The following PCDHGA5 variants were observed in gnomAD, a reference collection of about 807,000 sequenced individuals.
The protein encoded by PCDHGA5 is protocadherin gamma subfamily A, 5.
PCDHGA5 carries 36 observed loss-of-function variants against 56.7 expected under a neutral mutation model. The ratio of observed to expected loss-of-function variants is 0.64; its 90% CI spans 0.49 to 0.84. PCDHGA5 has a LOEUF of 0.84. Ranked by LOEUF, PCDHGA5 falls within the 40% of genes least tolerant of loss-of-function variation. PCDHGA5 has a pLI of 0.00. For missense variants in PCDHGA5, 1,305 were observed against 1,201.5 expected (o/e 1.09, Z -1.27); for synonymous variants, 563 against 520.2 (o/e 1.08, Z -1.12).
Position 141,477,447 on chromosome 5 carries a change from G to C in PCDHGA5, c.2422-17360G>C, listed in dbSNP as rs779097830. On this transcript the variant is annotated intron_variant, in intron 1 of 3. Coordinates refer to ENST00000518069, the MANE Select transcript of PCDHGA5 (RefSeq NM_018918.3). The surrounding 1 kb of genome is among the most constrained non-coding windows in gnomAD (Gnocchi z 4.9). ...TCCCTCTCAGCCCTTACAATAGTGCGTGTTCAAGTGTCCGACATCAATGAC... is the reference window on the plus strand; with the variant it reads ...TCCCTCTCAGCCCTTACAATAGTGCCTGTTCAAGTGTCCGACATCAATGAC... The C allele has an allele frequency of 1.6e-5, 26 of 1,614,098 alleles. No individual in the cohort carries two copies. Among genetic ancestry groups the C allele is most frequent in the Non-Finnish European group, 2.2e-5 (26 of 1,180,016 alleles).
At chr5:141,479,842 G>A (rs1167563746) in intron 1 of PCDHGA5, among the ~76,000 whole-genome samples, 3 of 152,172 alleles carry the variant, frequency 2.0e-5, no homozygotes, top group African/African-American at 7.2e-5. Context: ...TCCATGCAAG[G>A]TGACTGCAAG....
At chr5:141,461,757 G>A (rs2099022119) in intron 1 of PCDHGA5, among the ~76,000 whole-genome samples, 1 of 151,994 alleles carries the variant, frequency 6.6e-6, no homozygotes, top group Non-Finnish European at 1.5e-5. Context: ...AGATTCAAGC[G>A]ATTCTCCTGC....
chr5:141,491,148 G>A lies in PCDHGA5; in HGVS notation c.2422-3659G>A. The A allele has an allele frequency of 6.8e-6, 11 of 1,614,140 alleles. No homozygotes were observed. The highest frequency in any genetic ancestry group is 9.3e-6 in the Non-Finnish European group (11 of 1,179,990). The stretch of plus-strand genomic sequence containing the variant: ...TGCGCACAGCCCGGGCCTTACTGGA[G>A]GATGACTCTGACACCCAGCAGGTGG... On this transcript the variant is annotated intron_variant, in intron 1 of 3. Transcript: ENST00000518069. The surrounding 1 kb of genome is among the most constrained non-coding windows in gnomAD (Gnocchi z 6.9).
intron 1 of PCDHGA5, chr5:141,398,169 G>T (rs2093619628): frequency 5.4e-6 from 8 of 1,477,440 alleles, no homozygotes; most frequent in Admixed American, 2.6e-5. Flanking sequence ...CTGAGAGGCT[G>T]CCAGTGCTCT....
intron 1 of PCDHGA5, among the ~76,000 whole-genome samples, chr5:141,439,024 T>C (rs1278127532): frequency 2.0e-5 from 3 of 151,510 alleles, no homozygotes; most frequent in African/African-American, 7.3e-5. Flanking sequence ...ATTTTGAAAA[T>C]AGATGCCTCA....
intron 1 of PCDHGA5, chr5:141,478,400 C>A (rs1295855090): frequency 6.2e-7 from 1 of 1,613,550 alleles, no homozygotes; most frequent in East Asian, 2.2e-5. Context: ...TCAGGTGTAT[C>A]TCACCACGGA....
intron 1 of PCDHGA5, chr5:141,372,262 C>T (rs1288257660): frequency 6.2e-7 from 1 of 1,613,106 alleles, no homozygotes; most frequent in Non-Finnish European, 8.5e-7. Flanking sequence ...GGCCTGCGCA[C>T]GGGTGAGGTG....
At chr5:141,457,094 C>T (rs2098908295) in intron 1 of PCDHGA5, among the ~76,000 whole-genome samples, 1 of 152,154 alleles carries the variant, frequency 6.6e-6, no homozygotes, top group Non-Finnish European at 1.5e-5. Context: ...TATAAGGATA[C>T]TAATTAAGCA....
intron 2 of PCDHGA5, among the ~76,000 whole-genome samples, chr5:141,504,280 C>T (rs1027657223): frequency 6.6e-6 from 1 of 152,076 alleles, no homozygotes; most frequent in Admixed American, 6.6e-5. Context: ...AATTATGAAT[C>T]ATTTCATGTT....
At position 141,432,872 on chromosome 5, in the gene PCDHGA5, C is replaced by T; in HGVS notation, c.2422-61935C>T. On this transcript the variant is annotated intron_variant, in intron 1 of 3. Transcript: ENST00000518069. This position sits in a 1 kb window ranked among gnomAD's most constrained non-coding sequence, Gnocchi z 6.0. ...GGTGGCCGCGGTCTCCTGCGTCTTC[C>T]TGGCCTTCGTCATCTTGCTGCTGGC... is the stretch of plus-strand genomic sequence containing the variant. 1.9e-6 allele frequency: 3 copies of T among 1,614,192 alleles called. No homozygotes were observed. Among genetic ancestry groups the T allele is most frequent in the Non-Finnish European group, 2.5e-6 (3 of 1,180,018 alleles).
chr5:141,421,201 C>A, intron 1 of PCDHGA5: 3 of 1,518,204 alleles, frequency 2.0e-6, no homozygotes, highest in Non-Finnish European at 2.6e-6. Context: ...GCTCGAGAAA[C>A]CGCGGAATAT....
rs945917670 is a variant in PCDHGA5, at chr5:141,377,790, T to G, written c.2421+11039T>G. On this transcript the variant is annotated intron_variant, in intron 1 of 3. Transcript: ENST00000518069. ...TGGTGTTAAAAGACCTGAATAACAT[T>G]CCTGTAACTATCTGTTATTTACTTG... 2.6e-5 allele frequency: 4 copies of G among 152,296 alleles called. No individual in the cohort carries two copies. The East Asian group carries it at 7.7e-4, about 29-fold the overall frequency. 9.4% of individuals were successfully genotyped at this position (152,296 alleles called of 1,614,324 possible).
In PCDHGA5 at chr5:141,493,164, T is replaced by C. The variant is rs558860783; in HGVS notation, c.2422-1643T>C. Among the ~76,000 whole-genome samples the C allele has an allele frequency of 4.6e-5, 7 of 152,340 alleles. 1 individual carries two copies. The South Asian group carries it at 1.2e-3, about 27-fold the overall frequency. On this transcript the variant is annotated intron_variant, in intron 1 of 3. Coordinates refer to ENST00000518069, the MANE Select transcript of PCDHGA5 (RefSeq NM_018918.3). The surrounding 1 kb of genome is among the most constrained non-coding windows in gnomAD (Gnocchi z 4.3). Reference sequence around the variant, plus strand: ...ACCCCCAGGTGATTTTGATAGCTGATTGAGAGAAACTTACTATATAACTCC... The same window carrying C: ...ACCCCCAGGTGATTTTGATAGCTGACTGAGAGAAACTTACTATATAACTCC...
chr5:141,468,681 A>G (rs1415798588), intron 1 of PCDHGA5: 1 of 151,830 alleles, frequency 6.6e-6, no homozygotes, highest in African/African-American at 2.4e-5. Flanking sequence ...CCTGGCTAAC[A>G]CGGTGAAACC....
chr5:141,492,873 C>G (rs2099744714), intron 1 of PCDHGA5, among the ~76,000 whole-genome samples: 1 of 152,182 alleles, frequency 6.6e-6, no homozygotes, highest in Non-Finnish European at 1.5e-5. Context: ...CTCTCAACCC[C>G]CAGAGATACA....
chr5:141,465,343 T>A (rs1221229916), intron 1 of PCDHGA5, among the ~76,000 whole-genome samples: 1 of 152,118 alleles, frequency 6.6e-6, no homozygotes, highest in Non-Finnish European at 1.5e-5. Flanking sequence ...TATTGGTTAC[T>A]GAAGAAAAAA....
intron 1 of PCDHGA5, chr5:141,376,019 G>A (rs765198459): frequency 7.3e-5 from 117 of 1,613,176 alleles, no homozygotes; most frequent in African/African-American, 9.3e-5. Context: ...AGTGGTGGCC[G>A]TCCAGGACCA....
chr5:141,371,294 A>T, intron 1 of PCDHGA5: 2 of 1,614,012 alleles, frequency 1.2e-6, no homozygotes, highest in Non-Finnish European at 1.7e-6. Flanking sequence ...AAACGGGGGA[A>T]CTCACCACTA....
At chr5:141,407,874 T>C (rs2094995185) in intron 1 of PCDHGA5, 1 of 358,496 alleles carries the variant, frequency 2.8e-6, no homozygotes, top group South Asian at 5.6e-5. Context: ...GAAGAATATA[T>C]ACATTTCGGA....
Sources: allele counts gnomAD v4.1 joint callset (sites outside exome capture counted in the v4.1 genomes callset), GRCh38; gene constraint gnomAD v4.1.1; non-coding constraint Gnocchi (gnomAD v3.1); transcripts MANE v1.5; gene names NCBI Gene and HGNC (gene_info 2026-07-23, HGNC 2026-07-21).